The following CLVS1 variants were observed in gnomAD, a reference collection of about 807,000 sequenced individuals.
CLVS1 encodes clavesin-1.
A neutral mutation model predicts 33.1 loss-of-function variants in CLVS1; 10 were observed. The observed-to-expected ratio is 0.30, with a 90% CI of 0.19 to 0.51. CLVS1 has a LOEUF of 0.51. Among genes scored for constraint, CLVS1 ranks in the 20% least tolerant of loss-of-function variants. The probability of loss-of-function intolerance (pLI) is 0.97; values close to 1 mark genes in which losing one functional copy is unlikely to be tolerated. For missense variants in CLVS1, 343 were observed against 433.4 expected, an observed-to-expected ratio of 0.79 and a Z score of 1.85; for synonymous variants, 163 against 166.1, an observed-to-expected ratio of 0.98 and a Z score of 0.14.
In CLVS1 at chr8:61,477,658, T is replaced by A. The variant is rs557224588; in HGVS notation, c.977+19116T>A. Among the ~76,000 whole-genome samples, 350 of 152,328 alleles carry A rather than the reference T, an allele frequency of 2.3e-3. 3 individuals are homozygous for A. The highest frequency in any genetic ancestry group is 6.8e-3 in the Middle Eastern group (2 of 294). ...TCAGTGGTGATATCCCCTTTGTCATTTTTTATTGTGTCTATTTGATTCTTC... is the reference window on the plus strand; with the variant it reads ...TCAGTGGTGATATCCCCTTTGTCATATTTTATTGTGTCTATTTGATTCTTC... On this transcript the variant is annotated intron_variant, in intron 5 of 5. Coordinates refer to ENST00000325897, the MANE Select transcript of CLVS1 (RefSeq NM_173519.3).
At chr8:61,234,441 C>T (rs577896716) in intron 2 of CLVS1, among the ~76,000 whole-genome samples, 1 of 152,222 alleles carries the variant, frequency 6.6e-6, no homozygotes, top group African/African-American at 2.4e-5. Flanking sequence ...GGGTACACAA[C>T]ACAGAAAGAC....
chr8:61,225,014 G>T (rs1274185420), intron 2 of CLVS1, among the ~76,000 whole-genome samples: 3 of 152,136 alleles, frequency 2.0e-5, no homozygotes, highest in African/African-American at 7.2e-5. Context: ...TTGGAAAATG[G>T]AAATTTAAAA....
At chr8:61,010,994 G>A in the CLVS1 span, among the ~76,000 whole-genome samples, 1 of 152,206 alleles carries the variant, frequency 6.6e-6, no homozygotes, top group African/African-American at 2.4e-5. Context: ...ATTCAGCTAA[G>A]AGTCCCCCGT....
intron 2 of CLVS1, among the ~76,000 whole-genome samples, chr8:61,144,652 A>C (rs1806379796): frequency 6.6e-6 from 1 of 152,194 alleles, no homozygotes; most frequent in Non-Finnish European, 1.5e-5. Flanking sequence ...ACAATGGTTG[A>C]ACTAATTTAC....
chr8:61,277,964 C>A (rs562376327), intron 2 of CLVS1, among the ~76,000 whole-genome samples: 2 of 152,236 alleles, frequency 1.3e-5, no homozygotes, highest in East Asian at 3.9e-4. Context: ...GTTAGTAAAG[C>A]TTGTTAATGT....
intron 5 of CLVS1, among the ~76,000 whole-genome samples, chr8:61,498,100 C>T (rs13272256): frequency 0.56 from 85,128 of 152,106 alleles, 26,895 homozygotes; most frequent in Non-Finnish European, 0.71. Context: ...GGGAATGCAT[C>T]TCAGCAGGCT....
chr8:61,013,832 A>T, the CLVS1 span, among the ~76,000 whole-genome samples: 6 of 152,168 alleles, frequency 3.9e-5, no homozygotes, highest in South Asian at 8.3e-4. Context: ...TTAAAAATTC[A>T]TGTGATCCAG....
intron 1 of CLVS1, among the ~76,000 whole-genome samples, chr8:61,124,530 A>T (rs1304055343): frequency 6.6e-6 from 1 of 152,058 alleles, no homozygotes; most frequent in African/African-American, 2.4e-5. Flanking sequence ...TCTCTAGTTG[A>T]TCTGATCTAT....
At chr8:61,082,168 C>A (rs1805032254) in intron 1 of CLVS1, among the ~76,000 whole-genome samples, 1 of 152,068 alleles carries the variant, frequency 6.6e-6, no homozygotes, top group South Asian at 2.1e-4. Context: ...GAAATAATGT[C>A]TTTGATGAGC....
chr8:61,091,341 C>T (rs1805245702), intron 1 of CLVS1, among the ~76,000 whole-genome samples: 2 of 152,218 alleles, frequency 1.3e-5, no homozygotes, highest in Admixed American at 1.3e-4. Context: ...ACTCATTTTG[C>T]TCTTCTGACC....
intron 2 of CLVS1, among the ~76,000 whole-genome samples, chr8:61,182,100 A>C (rs2129300746): frequency 6.6e-6 from 1 of 152,286 alleles, no homozygotes; most frequent in African/African-American, 2.4e-5. Flanking sequence ...CTTTTTAATA[A>C]ATAGTGCTGG....
intron 2 of CLVS1, among the ~76,000 whole-genome samples, chr8:61,153,146 C>G (rs1471655929): frequency 6.6e-6 from 1 of 151,990 alleles, no homozygotes; most frequent in Non-Finnish European, 1.5e-5. Flanking sequence ...AAGAAGAAGA[C>G]CAGGGATAAA....
At chr8:61,309,833 C>T (rs752863414) in intron 2 of CLVS1, among the ~76,000 whole-genome samples, 4 of 152,182 alleles carry the variant, frequency 2.6e-5, no homozygotes, top group Non-Finnish European at 5.9e-5. Context: ...ATTAAAACCC[C>T]GAGGCCGTAG....
chr8:61,122,729 A>G (rs879402872), intron 1 of CLVS1, among the ~76,000 whole-genome samples: 5 of 152,200 alleles, frequency 3.3e-5, no homozygotes, highest in Admixed American at 6.5e-5. Flanking sequence ...GCAACTGCCC[A>G]GGGGTTAGTT....
At chr8:61,378,461 C>T (rs931485772) in intron 3 of CLVS1, 3 of 152,194 alleles carry the variant, frequency 2.0e-5, no homozygotes, top group Non-Finnish European at 4.4e-5. Context: ...GTGGGAAATA[C>T]TAGAAGACCT....
At chr8:60,983,666 C>A in the CLVS1 span, among the ~76,000 whole-genome samples, 1 of 152,180 alleles carries the variant, frequency 6.6e-6, no homozygotes, top group Non-Finnish European at 1.5e-5. Context: ...TGTCTGAGTG[C>A]TGCACCCAGT....
chr8:61,334,993 T>C (rs1811743250), intron 2 of CLVS1, among the ~76,000 whole-genome samples: 1 of 152,180 alleles, frequency 6.6e-6, no homozygotes, highest in Admixed American at 6.5e-5. Context: ...GGGAAACCAG[T>C]GAGCCAGGAG....
chr8:60,983,525 C>T, the CLVS1 span, among the ~76,000 whole-genome samples: 1 of 152,170 alleles, frequency 6.6e-6, no homozygotes, highest in Admixed American at 6.5e-5. Flanking sequence ...CAATGATCAT[C>T]TGTCCTAGAC....
chr8:61,308,207 G>A (rs1810700785), intron 2 of CLVS1, among the ~76,000 whole-genome samples: 1 of 152,042 alleles, frequency 6.6e-6, no homozygotes, highest in African/African-American at 2.4e-5. Context: ...ATAACCATTT[G>A]GCAGTTTCAG....
Sources: allele counts gnomAD v4.1 joint callset (sites outside exome capture counted in the v4.1 genomes callset), GRCh38; gene constraint gnomAD v4.1.1; transcripts MANE v1.5; gene names NCBI Gene and HGNC (gene_info 2026-07-23, HGNC 2026-07-21).